The following TMEM131L variants were observed in gnomAD, a reference collection of about 807,000 sequenced individuals.
TMEM131L encodes the protein transmembrane protein 131-like.
A neutral mutation model predicts 192.2 loss-of-function variants in TMEM131L; 54 were observed. That is an observed-to-expected ratio of 0.28 (90% CI 0.23 to 0.35). The LOEUF is 0.35. Ranked by LOEUF, TMEM131L falls within the 10% of genes least tolerant of loss-of-function variation. The pLI is 1.00. For synonymous variants in TMEM131L, 701 were observed against 704.9 expected, an observed-to-expected ratio of 0.99 and a Z score of 0.09; for missense variants, 1,888 against 1,972.9, an observed-to-expected ratio of 0.96 and a Z score of 0.82.
chr4:153,630,292 A>G (rs1018643209), intron 31 of TMEM131L, among the ~76,000 whole-genome samples: 43 of 152,224 alleles, frequency 2.8e-4, no homozygotes, highest in African/African-American at 9.4e-4. Flanking sequence ...GGCTGTCCAC[A>G]GGAGCCTACG....
chr4:153,532,962 G>T (rs1736016564), intron 3 of TMEM131L, among the ~76,000 whole-genome samples: 1 of 151,506 alleles, frequency 6.6e-6, no homozygotes, highest in Non-Finnish European at 1.5e-5. Flanking sequence ...GTGGATTTAG[G>T]GATTCTCTCT....
chr4:153,583,723 T>G (rs368554040), intron 11 of TMEM131L, 51 bp downstream of exon 11: 40 of 1,025,432 alleles, frequency 3.9e-5, no homozygotes, highest in Non-Finnish European at 5.3e-5. Context: ...CTGGTTGTCA[T>G]GATGGCAACT....
chr4:153,633,925 C>T (rs1404286606), intron 32 of TMEM131L, among the ~76,000 whole-genome samples: 4 of 152,214 alleles, frequency 2.6e-5, no homozygotes, highest in Admixed American at 2.6e-4. Flanking sequence ...AGCCACGGCT[C>T]TCTATTCTGT....
chr4:153,488,587 C>G (rs1450466447), intron 3 of TMEM131L, among the ~76,000 whole-genome samples: 1 of 152,348 alleles, frequency 6.6e-6, no homozygotes, highest in Non-Finnish European at 1.5e-5. Context: ...CCCTGCGGCT[C>G]TGTTGTGGTG....
At chr4:153,582,222 TTTTG>T (rs200728625) in intron 9 of TMEM131L, among the ~76,000 whole-genome samples, 1,628 of 152,110 alleles carry the variant, frequency 0.011, 17 homozygotes, top group Middle Eastern at 0.024. Flanking sequence ...CTTTGGGTTT[TTTTG>T]TTTGTTTTTT....
intron 2 of TMEM131L, 28 bp downstream of exon 2, chr4:153,467,309 TG>T (rs1730831868): frequency 6.5e-7 from 1 of 1,545,066 alleles, no homozygotes; most frequent in Non-Finnish European, 8.8e-7. Context: ...ACAGGGCGGC[TG>T]TGGGTGTACG....
At chr4:153,622,047 G>A (rs2126746775) in intron 28 of TMEM131L, among the ~76,000 whole-genome samples, 198 bp downstream of exon 28, 1 of 152,300 alleles carries the variant, frequency 6.6e-6, no homozygotes, top group East Asian at 1.9e-4. Context: ...GGCCTCTAGT[G>A]CTGCCCCCCA....
At chr4:153,635,868 C>G (rs373112385) in intron 34 of TMEM131L, among the ~76,000 whole-genome samples, 38 of 152,286 alleles carry the variant, frequency 2.5e-4, no homozygotes, top group African/African-American at 8.9e-4. Context: ...GGCCAGCCCT[C>G]TGTGTGACAC....
chr4:153,490,651 G>T (rs1732701670), intron 3 of TMEM131L, among the ~76,000 whole-genome samples: 2 of 152,034 alleles, frequency 1.3e-5, no homozygotes, highest in African/African-American at 4.8e-5. Flanking sequence ...GGAAACAAAA[G>T]CTTCTAGATT....
rs765831275 is a variant in TMEM131L at position 153,627,606 on chromosome 4, A to G, written c.4126A>G (p.Thr1376Ala). Residue 1376 changes from threonine to alanine, a missense_variant and splice_region_variant, in exon 31 of 35, where the codon ACC (threonine) becomes GCC (alanine). By Grantham distance (58) the Thr-to-Ala change is moderately conservative (BLOSUM62 0). Coordinates refer to ENST00000409959, the MANE Select transcript of TMEM131L (RefSeq NM_001131007.2). ...NLSHNICNPMTVNSLPQYAEP... is the reference protein window; with the variant it reads ...NLSHNICNPMAVNSLPQYAEP... ...CCTCCTTTGCCCTCTTCCCCACAGG[A>G]CCGTGAATAGTCTCCCACAATACGC... 3 of 1,613,706 alleles carry G rather than the reference A, an allele frequency of 1.9e-6. No homozygotes were observed. The highest frequency in any genetic ancestry group is 8.5e-7 in the Non-Finnish European group (1 of 1,179,676).
intron 16 of TMEM131L, among the ~76,000 whole-genome samples, chr4:153,590,561 C>T (rs1730995857): frequency 1.3e-5 from 2 of 152,026 alleles, no homozygotes; most frequent in Admixed American, 1.3e-4. Context: ...ATGTTTTATC[C>T]CATGGTTTTA....
At chr4:153,474,133 A>G (rs1731360516) in intron 3 of TMEM131L, among the ~76,000 whole-genome samples, 2 of 152,206 alleles carry the variant, frequency 1.3e-5, no homozygotes. Context: ...CACTTTTTCC[A>G]TGATGTGCTT....
intron 23 of TMEM131L, 110 bp from the exon 24 acceptor site, chr4:153,603,193 C>A: frequency 1.1e-6 from 1 of 874,326 alleles, no homozygotes; most frequent in Non-Finnish European, 1.7e-6. Flanking sequence ...TTTAATACTG[C>A]ATCTTCAGAT....
At chr4:153,593,602 G>T (rs1731219394) in intron 18 of TMEM131L, among the ~76,000 whole-genome samples, 197 bp from the exon 19 acceptor site, 1 of 152,066 alleles carries the variant, frequency 6.6e-6, no homozygotes, top group Non-Finnish European at 1.5e-5. Context: ...GGCAGATATG[G>T]GTGTGGGAAT....
intron 25 of TMEM131L, among the ~76,000 whole-genome samples, chr4:153,604,812 C>A (rs1200411850): frequency 6.6e-6 from 1 of 152,072 alleles, no homozygotes; most frequent in Non-Finnish European, 1.5e-5. Flanking sequence ...TCAAGTGATT[C>A]TCTTGCCTCA....
chr4:153,468,864 A>G (rs1393893118), intron 2 of TMEM131L, among the ~76,000 whole-genome samples: 2 of 151,888 alleles, frequency 1.3e-5, no homozygotes, highest in African/African-American at 4.8e-5. Context: ...ATGTATTTGC[A>G]TTTTTGCTCA....
At chr4:153,478,870 C>T (rs1283079231) in intron 3 of TMEM131L, among the ~76,000 whole-genome samples, 1 of 150,560 alleles carries the variant, frequency 6.6e-6, no homozygotes, top group Non-Finnish European at 1.5e-5. Context: ...ACGATACCAG[C>T]TTAATGAAGG....
At chr4:153,564,695 A>G (rs1469489069) in intron 7 of TMEM131L, among the ~76,000 whole-genome samples, 2 of 152,082 alleles carry the variant, frequency 1.3e-5, no homozygotes, top group East Asian at 3.9e-4. Flanking sequence ...GTTGTTTGTC[A>G]CTTGGTTTTC....
At chr4:153,596,128 C>T (rs1561226326) in intron 19 of TMEM131L, 130 bp from the exon 20 acceptor site, 1 of 1,063,022 alleles carries the variant, frequency 9.4e-7, no homozygotes, top group Non-Finnish European at 1.4e-6. Context: ...CAAGTTCTAA[C>T]AGGTTGATTA....
Sources: allele counts gnomAD v4.1 joint callset (sites outside exome capture counted in the v4.1 genomes callset), GRCh38; gene constraint gnomAD v4.1.1; transcripts MANE v1.5; gene names NCBI Gene and HGNC (gene_info 2026-07-23, HGNC 2026-07-21).